The following IL22RA1 variants were observed in gnomAD, a reference collection of about 807,000 sequenced individuals.
IL22RA1 encodes the protein interleukin 22 receptor subunit alpha 1.
IL22RA1 carries 25 observed loss-of-function variants against 32.8 expected under a neutral mutation model. The observed-to-expected ratio is 0.76, with a 90% CI of 0.55 to 1.06. The LOEUF is 1.06. Among genes scored for constraint, IL22RA1 ranks in the 50% least tolerant of loss-of-function variants. The pLI, the probability that IL22RA1 is intolerant of heterozygous loss-of-function variation, is 0.00. For missense variants in IL22RA1, 709 were observed against 727.4 expected (o/e 0.97, Z 0.29); for synonymous variants, 305 against 305.0 (o/e 1.00, Z 0.00).
intron 6 of IL22RA1, 126 bp downstream of exon 6, chr1:24,123,161 GGACTGTGAGCTCCGT>G: frequency 7.9e-7 from 1 of 1,271,508 alleles, no homozygotes; most frequent in Non-Finnish European, 1.1e-6. Flanking sequence ...ACTTTAGCTG[GGACTGTGAGCTCCGT>G]GAATGGAGAG....
chr1:24,128,791 T>G (rs1161760912), intron 4 of IL22RA1, among the ~76,000 whole-genome samples: 1 of 152,192 alleles, frequency 6.6e-6, no homozygotes, highest in East Asian at 1.9e-4. Flanking sequence ...CATCTCTGGG[T>G]TTGCCCCTGT....
At chr1:24,141,016 G>C (rs1289991009) in intron 1 of IL22RA1, among the ~76,000 whole-genome samples, 2 of 152,220 alleles carry the variant, frequency 1.3e-5, no homozygotes, top group African/African-American at 4.8e-5. Context: ...GGGGACGGAA[G>C]AATGGTCCGA....
chr1:24,128,013 A>G (rs1644176698), intron 5 of IL22RA1, 128 bp downstream of exon 5: 6 of 907,190 alleles, frequency 6.6e-6, no homozygotes, highest in Non-Finnish European at 9.4e-6. Context: ...GACTTCAATA[A>G]CACACTGATA....
Position 24,121,416 on chromosome 1 carries a change from C to T in IL22RA1, c.1114G>A (p.Ala372Thr). 1 of 1,550,400 alleles carries T rather than the reference C, an allele frequency of 6.4e-7. No individual in the cohort carries two copies. Among genetic ancestry groups the T allele is most frequent in the South Asian group, 1.3e-5 (1 of 79,788 alleles). Reference sequence around the variant, plus strand: ...TGTGGGGCGTAGAATGGGAATTGAGCTTCGGGGGTCACCTGAGGTGCATAG... The same window carrying T: ...TGTGGGGCGTAGAATGGGAATTGAGTTTCGGGGGTCACCTGAGGTGCATAG... ...PSYAPQVTPE[A>T]QFPFYAPQAI... Residue 372 changes from alanine to threonine, a missense_variant, in exon 7 of 7, where the codon GCT becomes ACT. Physicochemically the swap from Ala to Thr is moderately conservative, Grantham distance 58. Transcript: ENST00000270800.
At chr1:24,134,815 A>G in intron 3 of IL22RA1, 1 of 981,274 alleles carries the variant, frequency 1.0e-6, no homozygotes, top group Non-Finnish European at 1.2e-6. Context: ...CTATTGATGC[A>G]GCCTCAAAGA....
At chr1:24,141,356 T>G (rs1477657897) in intron 1 of IL22RA1, among the ~76,000 whole-genome samples, 1 of 151,736 alleles carries the variant, frequency 6.6e-6, no homozygotes, top group African/African-American at 2.4e-5. Context: ...GGTTGGGTGG[T>G]GGGTCAGGGC....
At chr1:24,123,524 C>T in intron 5 of IL22RA1, 101 bp from the exon 6 acceptor site, 1 of 1,540,802 alleles carries the variant, frequency 6.5e-7, no homozygotes, top group South Asian at 1.2e-5. Context: ...CCCTCTCTGG[C>T]TGGGCTGGCA....
intron 1 of IL22RA1, among the ~76,000 whole-genome samples, chr1:24,142,355 C>T (rs1644287325): frequency 6.6e-6 from 1 of 152,248 alleles, no homozygotes; most frequent in African/African-American, 2.4e-5. Flanking sequence ...TCATGCAATG[C>T]ACCAGGAGAG....
Position 24,128,163 on chromosome 1 carries a change from C to T in IL22RA1, c.648G>A (p.Met216Ile). The change falls in exon 5 of 7, where the codon ATG (methionine) becomes ATA (isoleucine). Residue 216 changes from methionine (M) to isoleucine (I), a missense_variant. By Grantham distance (10) the Met-to-Ile change is conservative (BLOSUM62 1). Coordinates refer to ENST00000270800, the MANE Select transcript of IL22RA1 (RefSeq NM_021258.4). Reference protein sequence around the residue: ...PTWAKESAPYMCRVKTLPDRT... With the variant: ...PTWAKESAPYICRVKTLPDRT... ...CACCTGGCAGTGTCTTCACTCGGCA[C>T]ATGTAGGGGGCACTCTCCTTGGCCC... 6.4e-7 allele frequency: 1 copy of T among 1,570,668 alleles called. No individual in the cohort carries two copies. Among genetic ancestry groups the T allele is most frequent in the Non-Finnish European group, 8.6e-7 (1 of 1,157,638 alleles).
chr1:24,128,167 T>C lies in IL22RA1; in HGVS notation c.644A>G (p.Tyr215Cys). 1 of 1,574,866 alleles carries C rather than the reference T, an allele frequency of 6.3e-7. No homozygotes were observed. The highest frequency in any genetic ancestry group is 8.6e-7 in the Non-Finnish European group (1 of 1,159,992). The change falls in exon 5 of 7, where the codon TAC (tyrosine) becomes TGC (cysteine). Residue 215 changes from tyrosine to cysteine, a missense_variant. By Grantham distance (194) the Tyr-to-Cys change is radical. Transcript: ENST00000270800. Reference sequence around the variant, plus strand: ...TGGCAGTGTCTTCACTCGGCACATGTAGGGGGCACTCTCCTTGGCCCAGGT... The same window carrying C: ...TGGCAGTGTCTTCACTCGGCACATGCAGGGGGCACTCTCCTTGGCCCAGGT... The part of the protein sequence containing the change: ...VPTWAKESAP[Y>C]MCRVKTLPDR...
chr1:24,139,164 T>C (rs1028721935), intron 1 of IL22RA1, among the ~76,000 whole-genome samples: 40 of 152,350 alleles, frequency 2.6e-4, no homozygotes, highest in African/African-American at 9.6e-4. Flanking sequence ...ATCTACTTCC[T>C]GTGTCTGTGA....
intron 4 of IL22RA1, among the ~76,000 whole-genome samples, chr1:24,132,225 A>C (rs1186343945): frequency 6.6e-6 from 1 of 152,158 alleles, no homozygotes; most frequent in East Asian, 1.9e-4. Flanking sequence ...ATGCAAGTGC[A>C]ATAACTTGAT....
chr1:24,137,399 A>G, intron 2 of IL22RA1, 90 bp from the exon 3 acceptor site: 1 of 1,227,844 alleles, frequency 8.1e-7, no homozygotes, highest in Non-Finnish European at 1.2e-6. Flanking sequence ...GAGATCTGAT[A>G]TTTACTTAGC....
At position 24,134,293 on chromosome 1, in the gene IL22RA1, T is replaced by C. The variant is rs1339987503; in HGVS notation, c.449A>G (p.Asp150Gly). 6.2e-7 allele frequency: 1 copy of C among 1,609,952 alleles called. No individual in the cohort carries two copies. Among genetic ancestry groups the C allele is most frequent in the Non-Finnish European group, 8.5e-7 (1 of 1,178,008 alleles). Residue 150 changes from aspartate (D) to glycine (G), a missense_variant, in exon 4 of 7, where the codon GAT (aspartate) becomes GGT (glycine). Physicochemically the swap from Asp to Gly is moderately conservative, Grantham distance 94 (BLOSUM62 -1). Coordinates refer to ENST00000270800, the MANE Select transcript of IL22RA1 (RefSeq NM_021258.4). ...HPTPTPIRAGDGHRLTLEDIF... is the reference protein window; with the variant it reads ...HPTPTPIRAGGGHRLTLEDIF... ...GTCTTCCAGGGTTAGCCGGTGGCCA[T>C]CGCCTGCACGGATTGGCGTGGGGGT...
At position 24,120,766 on chromosome 1, in the gene IL22RA1, T is replaced by A; in HGVS notation, c.*39A>T. 1 of 1,526,588 alleles carries A rather than the reference T, an allele frequency of 6.6e-7. No individual in the cohort carries two copies. The allele number at this position is 1,526,588 out of a possible 1,614,324, so 94.6% of individuals were successfully genotyped here. On this transcript the variant is annotated 3_prime_UTR_variant, in exon 7 of 7. Coordinates refer to ENST00000270800, the MANE Select transcript of IL22RA1 (RefSeq NM_021258.4). ...TGACAGCCAAGGATGTGACACTGGG[T>A]AGGGACAGGGAGGAAGCACCAAGCC...
intron 3 of IL22RA1, among the ~76,000 whole-genome samples, chr1:24,135,802 A>AT (rs951821886): frequency 1.3e-5 from 2 of 152,186 alleles, no homozygotes; most frequent in Non-Finnish European, 2.9e-5. Flanking sequence ...TGAGAATAGC[A>AT]TGGGGGGAAC....
chr1:24,130,985 G>A (rs1025708594), intron 4 of IL22RA1, among the ~76,000 whole-genome samples: 4 of 152,308 alleles, frequency 2.6e-5, no homozygotes, highest in Middle Eastern at 3.4e-3. Flanking sequence ...GATTACAGGC[G>A]TGGGCCACCT....
intron 3 of IL22RA1, among the ~76,000 whole-genome samples, chr1:24,135,346 G>A (rs1411343969): frequency 6.6e-6 from 1 of 152,088 alleles, no homozygotes; most frequent in East Asian, 1.9e-4. Flanking sequence ...CATTTTGGGT[G>A]ACTTTTATTT....
At chr1:24,128,370 G>A in intron 4 of IL22RA1, 91 bp from the exon 5 acceptor site, 1 of 1,492,092 alleles carries the variant, frequency 6.7e-7, no homozygotes, top group Non-Finnish European at 9.3e-7. Flanking sequence ...CCTGGATTCT[G>A]GTTTGATGCT....
Sources: gnomAD v4.1 joint callset for allele counts (sites outside exome capture counted in the v4.1 genomes callset) on GRCh38, gnomAD v4.1.1 for gene constraint, MANE v1.5 for transcripts, NCBI Gene and HGNC (gene_info 2026-07-23, HGNC 2026-07-21) for gene names.